The following ZFHX3 variants were observed in gnomAD, a reference collection of about 807,000 sequenced individuals.
ZFHX3 encodes zinc finger homeobox protein 3.
In ZFHX3, 42 loss-of-function variants were observed where a neutral mutation model predicts 279.1. The ratio of observed to expected loss-of-function variants is 0.15; its 90% confidence interval spans 0.12 to 0.19. The LOEUF is 0.19. ZFHX3 is among the 10% of genes least tolerant of loss of function. The pLI is 1.00. For missense variants in ZFHX3, 4,981 were observed against 4,754.0 expected (o/e 1.05, Z -1.40); for synonymous variants, 2,293 against 1,957.8 (o/e 1.17, Z -4.52).
In ZFHX3 at chr16:72,788,386, G is replaced by A. The variant is rs781775682; in HGVS notation, c.9890C>T (p.Ser3297Leu). 6.2e-6 allele frequency: 10 copies of A among 1,614,064 alleles called. No individual in the cohort carries two copies. The highest frequency in any genetic ancestry group is 2.2e-5 in the East Asian group (1 of 44,886). The change falls in exon 10 of 10, where the codon TCG becomes TTG. Residue 3297 changes from serine to leucine, a missense_variant. By Grantham distance (145) the Ser-to-Leu change is moderately radical (BLOSUM62 -2). Coordinates refer to ENST00000268489, the MANE Select transcript of ZFHX3 (RefSeq NM_006885.4). ...QLQALQAALT[S>L]DPTALLTSQF... ...GCTTGTGAGCAATGCTGTGGGGTCC[G>A]AAGTCAACGCGGCCTGCAGGGCCTG... is the stretch of plus-strand genomic sequence containing the variant.
chr16:73,000,207 G>A (rs1459743621), intron 1 of ZFHX3, among the ~76,000 whole-genome samples: 1 of 152,156 alleles, frequency 6.6e-6, no homozygotes, highest in Non-Finnish European at 1.5e-5. Context: ...CCATCCCCCA[G>A]GGTCCCTCGA....
At chr16:73,558,468 G>A (rs1274389113) in intron 2 of ZFHX3, 2 of 152,184 alleles carry the variant, frequency 1.3e-5, no homozygotes, top group East Asian at 3.8e-4. Flanking sequence ...TGAAGCTTGA[G>A]GTCTGTTTCT....
intron 3 of ZFHX3, among the ~76,000 whole-genome samples, chr16:72,905,865 C>A (rs972845411): frequency 2.0e-4 from 31 of 152,192 alleles, no homozygotes; most frequent in African/African-American, 7.5e-4. Context: ...ACTTTATTTT[C>A]TTCCTGAATT....
rs1383346160 is a variant in ZFHX3, at chr16:73,185,468, T to A, written c.-1103-41637A>T. Among the ~76,000 whole-genome samples the A allele has an allele frequency of 2.0e-5, 3 of 152,298 alleles. No homozygotes were observed. In the South Asian group the frequency reaches 6.2e-4, roughly 32 times the overall value. The stretch of plus-strand genomic sequence containing the variant: ...CAAGAGCCCACACTCTTAACTACTA[T>A]AGATCAAGCTTAATATATACAGTGT... On this transcript the variant is annotated intron_variant, in intron 5 of 17. Transcript: ENST00000641206.
intron 2 of ZFHX3, among the ~76,000 whole-genome samples, chr16:73,562,902 C>T (rs1006842046): frequency 6.6e-6 from 1 of 152,084 alleles, no homozygotes; most frequent in Non-Finnish European, 1.5e-5. Context: ...AATCCACCCC[C>T]TAGCAAGGCT....
At chr16:73,149,888 T>C (rs1282886630) in intron 5 of ZFHX3, among the ~76,000 whole-genome samples, 3 of 152,164 alleles carry the variant, frequency 2.0e-5, no homozygotes, top group Non-Finnish European at 4.4e-5. Flanking sequence ...TCTGGAGAAG[T>C]AGTCAGACCG....
At chr16:72,949,220 A>G (rs1379673762) in intron 3 of ZFHX3, among the ~76,000 whole-genome samples, 1 of 152,228 alleles carries the variant, frequency 6.6e-6, no homozygotes, top group Admixed American at 6.5e-5. Flanking sequence ...ATCTCCGTTT[A>G]AAATCATTCT....
intron 7 of ZFHX3, among the ~76,000 whole-genome samples, chr16:73,113,747 G>A (rs960813877): frequency 1.4e-5 from 2 of 146,928 alleles, no homozygotes; most frequent in African/African-American, 5.0e-5. Context: ...TGGGCGGAAG[G>A]TTAAAACAAA....
At chr16:72,969,202 T>C (rs1232940538) in intron 1 of ZFHX3, among the ~76,000 whole-genome samples, 1 of 152,102 alleles carries the variant, frequency 6.6e-6, no homozygotes, top group Non-Finnish European at 1.5e-5. Flanking sequence ...TGAAATTTGC[T>C]CCCAGCAGAG....
At chr16:72,863,537 C>CAGAGAGAG (rs374148445) in intron 4 of ZFHX3, among the ~76,000 whole-genome samples, 116 of 148,338 alleles carry the variant, frequency 7.8e-4, no homozygotes, top group African/African-American at 2.6e-3. Context: ...CAGAGACAGA[C>CAGAGAGAG]AGAGAGAGAG....
At chr16:73,811,021 A>G (rs1421157485) in intron 1 of ZFHX3, among the ~76,000 whole-genome samples, 1 of 152,228 alleles carries the variant, frequency 6.6e-6, no homozygotes, top group African/African-American at 2.4e-5. Flanking sequence ...CCTGAGATTA[A>G]AAACAATCAG....
chr16:73,369,363 C>T (rs554062892), intron 3 of ZFHX3, among the ~76,000 whole-genome samples: 57 of 152,288 alleles, frequency 3.7e-4, no homozygotes, highest in African/African-American at 1.2e-3. Flanking sequence ...GTGATGGCAG[C>T]GCACTGAACC....
intron 3 of ZFHX3, among the ~76,000 whole-genome samples, chr16:73,442,248 G>A (rs1163598429): frequency 3.3e-5 from 5 of 152,206 alleles, no homozygotes; most frequent in African/African-American, 1.2e-4. Context: ...CGAGATCAAG[G>A]TGTTGGCAGG....
At chr16:73,841,279 T>A (rs768946616) in intron 1 of ZFHX3, among the ~76,000 whole-genome samples, 1 of 151,842 alleles carries the variant, frequency 6.6e-6, no homozygotes, top group Non-Finnish European at 1.5e-5. Context: ...ACAAGGAAAG[T>A]ATTTACTGGT....
chr16:73,816,625 G>C (rs1439859557), intron 1 of ZFHX3, among the ~76,000 whole-genome samples: 1 of 128,300 alleles, frequency 7.8e-6, no homozygotes, highest in East Asian at 2.1e-4. Context: ...GATTTTAAAA[G>C]AGATGGGGGG....
chr16:73,473,603 T>A (rs1450104985), intron 2 of ZFHX3, among the ~76,000 whole-genome samples: 1 of 152,098 alleles, frequency 6.6e-6, no homozygotes, highest in Admixed American at 6.5e-5. Context: ...TTCCGTGGAA[T>A]TGGGTGGGTT....
At chr16:73,042,493 C>A (rs1391382033) in intron 1 of ZFHX3, among the ~76,000 whole-genome samples, 1 of 152,104 alleles carries the variant, frequency 6.6e-6, no homozygotes, top group East Asian at 1.9e-4. Flanking sequence ...CTCCTCCTTC[C>A]TGAAAGAACC....
chr16:73,326,942 C>T (rs2015702508), intron 3 of ZFHX3, among the ~76,000 whole-genome samples: 1 of 152,202 alleles, frequency 6.6e-6, no homozygotes, highest in Non-Finnish European at 1.5e-5. Flanking sequence ...TTAGATAGCT[C>T]TCCACACATA....
intron 7 of ZFHX3, among the ~76,000 whole-genome samples, chr16:73,118,492 G>C (rs896758752): frequency 1.0e-4 from 14 of 139,936 alleles, no homozygotes; most frequent in African/African-American, 3.5e-4. Context: ...ACAGGTGTGA[G>C]CCACCATGCC....
Sources: allele counts gnomAD v4.1 joint callset (sites outside exome capture counted in the v4.1 genomes callset), GRCh38; gene constraint gnomAD v4.1.1; transcripts MANE v1.5; gene names NCBI Gene and HGNC (gene_info 2026-07-23, HGNC 2026-07-21).